The following ZNF280C variants were observed in gnomAD, a reference collection of about 807,000 sequenced individuals.
The protein encoded by ZNF280C is suppressor of hairy wing homolog 3.
In ZNF280C, 14 loss-of-function variants were observed where a neutral mutation model predicts 53.6. The ratio of observed to expected loss-of-function variants is 0.26; its 90% CI spans 0.17 to 0.41. The LOEUF is 0.41. ZNF280C is among the 10% of genes least tolerant of loss of function. ZNF280C has a pLI of 1.00. For synonymous variants in ZNF280C, 203 were observed against 181.1 expected (o/e 1.12, Z -0.97); for missense variants, 416 against 547.1 (o/e 0.76, Z 2.39).
chrX:130,255,497 AAGAG>A (rs1270876747), intron 2 of ZNF280C, among the ~76,000 whole-genome samples: 51 of 110,843 alleles, frequency 4.6e-4, no homozygotes, highest in East Asian at 8.4e-4. Context: ...AAAAAAAAAA[AAGAG>A]AGAGAAAAAG....
chrX:130,257,333 A>G (rs1444993656), intron 2 of ZNF280C, among the ~76,000 whole-genome samples: 1 of 111,665 alleles, frequency 9.0e-6, no homozygotes, highest in Non-Finnish European at 1.9e-5. Flanking sequence ...TATCCATCAT[A>G]ATACATTAAT....
At chrX:130,251,295 A>AAAAAAAAAAAAAAAC (rs2032506066) in intron 2 of ZNF280C, among the ~76,000 whole-genome samples, 1 of 101,399 alleles carries the variant, frequency 9.9e-6, no homozygotes, top group Non-Finnish European at 2.0e-5. Context: ...AAAAAAAAAA[A>AAAAAAAAAAAAAAAC]AAAAAAAAAA....
intron 1 of ZNF280C, among the ~76,000 whole-genome samples, chrX:130,268,272 C>T (rs1434090349): frequency 1.8e-5 from 2 of 111,193 alleles, no homozygotes; most frequent in Admixed American, 9.5e-5. Flanking sequence ...GGGGAACCTG[C>T]GCAGAAAGAA....
intron 12 of ZNF280C, among the ~76,000 whole-genome samples, chrX:130,222,510 T>C (rs1348482996): frequency 1.8e-5 from 2 of 111,755 alleles, no homozygotes; most frequent in African/African-American, 6.5e-5. Context: ...ACAATTTAAC[T>C]AGTTCAAAGT....
chrX:130,206,220 A>AGAAATGTG (rs1340948479), intron 16 of ZNF280C, among the ~76,000 whole-genome samples: 1 of 111,378 alleles, frequency 9.0e-6, no homozygotes, highest in Non-Finnish European at 1.9e-5. Flanking sequence ...AAATTAGAAA[A>AGAAATGTG]GAAATGTGAA....
At chrX:130,211,322 A>AG (rs976922136) in intron 15 of ZNF280C, among the ~76,000 whole-genome samples, 5 of 112,121 alleles carry the variant, frequency 4.5e-5, no homozygotes, top group African/African-American at 1.6e-4. Flanking sequence ...GAGGAAGGAG[A>AG]GGGGCATTTC....
In ZNF280C at chrX:130,208,956, A is replaced by G. The variant is rs1242449972; in HGVS notation, c.2042+697T>C. On this transcript the variant is annotated intron_variant, in intron 16 of 18. Coordinates refer to ENST00000370978, the MANE Select transcript of ZNF280C (RefSeq NM_017666.5). ...GGTGATCCACCCGCCTCAGCCTCCC[A>G]AAGTGCTAGGATTACAGGTGTGAAC... 3.6e-5 allele frequency among the ~76,000 whole-genome samples: 4 copies of G among 112,089 alleles called. No homozygotes were observed. The Admixed American group carries it at 3.8e-4, about 11-fold the overall frequency.
intron 2 of ZNF280C, among the ~76,000 whole-genome samples, chrX:130,257,529 A>G (rs1169821930): frequency 8.9e-6 from 1 of 111,786 alleles, no homozygotes; most frequent in East Asian, 2.8e-4. Context: ...TGATGATTCA[A>G]GAGACAACAT....
intron 9 of ZNF280C, among the ~76,000 whole-genome samples, chrX:130,229,632 C>T (rs1288973281): frequency 1.8e-5 from 2 of 112,141 alleles, no homozygotes; most frequent in African/African-American, 6.5e-5. Flanking sequence ...CATGCAATAG[C>T]AATTTTAATG....
chrX:130,257,029 T>C (rs1017822471), intron 2 of ZNF280C, among the ~76,000 whole-genome samples: 8 of 107,547 alleles, frequency 7.4e-5, no homozygotes, highest in East Asian at 2.9e-4. Flanking sequence ...TGAAACCCCG[T>C]CTCTACTAAA....
intron 1 of ZNF280C, among the ~76,000 whole-genome samples, chrX:130,265,708 T>A (rs1184928466): frequency 8.9e-6 from 1 of 112,203 alleles, no homozygotes; most frequent in East Asian, 2.8e-4. Context: ...AAGCCTTAGT[T>A]TTTCTATCTG....
intron 2 of ZNF280C, among the ~76,000 whole-genome samples, chrX:130,252,872 C>T (rs1320172899): frequency 8.9e-6 from 1 of 112,024 alleles, no homozygotes; most frequent in Admixed American, 9.5e-5. Context: ...AGGATGCTCT[C>T]TCTCACCGTT....
At chrX:130,223,768 T>C (rs1487304130) in intron 12 of ZNF280C, among the ~76,000 whole-genome samples, 1 of 112,265 alleles carries the variant, frequency 8.9e-6, no homozygotes, top group African/African-American at 3.2e-5. Context: ...GACATAATAA[T>C]ATATTATTTT....
chrX:130,218,398 A>C (rs1477828609), intron 13 of ZNF280C, among the ~76,000 whole-genome samples: 1 of 111,785 alleles, frequency 8.9e-6, no homozygotes, highest in African/African-American at 3.2e-5. Flanking sequence ...GGTGGTTATA[A>C]TAATGCTCAG....
chrX:130,245,372 A>G (rs1212369078), intron 3 of ZNF280C, among the ~76,000 whole-genome samples: 2 of 111,973 alleles, frequency 1.8e-5, no homozygotes, highest in Non-Finnish European at 3.8e-5. Context: ...CACAGTGACT[A>G]GAAATAATAA....
At chrX:130,248,041 GA>G (rs1569438872) in intron 2 of ZNF280C, among the ~76,000 whole-genome samples, 1 of 104,280 alleles carries the variant, frequency 9.6e-6, no homozygotes, top group Non-Finnish European at 2.0e-5. Flanking sequence ...GAAAATTGAG[GA>G]AAACCTTCAA....
intron 2 of ZNF280C, among the ~76,000 whole-genome samples, chrX:130,256,838 C>T (rs1273284966): frequency 9.2e-6 from 1 of 108,920 alleles, no homozygotes; most frequent in Admixed American, 9.8e-5. Context: ...GGTAAAGGTG[C>T]AGTGAGTTGA....
chrX:130,235,578 A>T (rs1357055538), intron 8 of ZNF280C, among the ~76,000 whole-genome samples: 1 of 112,554 alleles, frequency 8.9e-6, no homozygotes, highest in Non-Finnish European at 1.9e-5. Context: ...GAACTTAATT[A>T]AAAAATTTAA....
chrX:130,225,737 T>C (rs892197964), intron 12 of ZNF280C, among the ~76,000 whole-genome samples: 2 of 111,231 alleles, frequency 1.8e-5, no homozygotes, highest in Non-Finnish European at 3.8e-5. Flanking sequence ...TTGGAAATTC[T>C]ATTTTTATGA....
Sources: allele counts gnomAD v4.1 joint callset (sites outside exome capture counted in the v4.1 genomes callset), GRCh38; gene constraint gnomAD v4.1.1; transcripts MANE v1.5; gene names NCBI Gene and HGNC (gene_info 2026-07-23, HGNC 2026-07-21).